The following ZRANB3 variants were observed in gnomAD, a reference collection of about 807,000 sequenced individuals.
The protein encoded by ZRANB3 is zinc finger RANBP2-type containing 3.
A neutral mutation model predicts 133.8 loss-of-function variants in ZRANB3; 125 were observed. The observed-to-expected ratio is 0.93, with a 90% CI of 0.81 to 1.08. The LOEUF is 1.08. Among genes scored for constraint, ZRANB3 ranks in the 50% least tolerant of loss-of-function variants. The pLI, the probability that ZRANB3 is intolerant of heterozygous loss-of-function variation, is 0.00. For missense variants in ZRANB3, 1,229 were observed against 1,275.5 expected, an observed-to-expected ratio of 0.96 and a Z score of 0.56; for synonymous variants, 387 against 432.7, an observed-to-expected ratio of 0.89 and a Z score of 1.31.
chr2:135,374,385 G>A (rs1476976772), intron 3 of ZRANB3, among the ~76,000 whole-genome samples: 1 of 151,960 alleles, frequency 6.6e-6, no homozygotes, highest in African/African-American at 2.4e-5. Context: ...CAGCCTGGGC[G>A]ACAGAGCAAG....
intron 8 of ZRANB3, among the ~76,000 whole-genome samples, chr2:135,293,441 A>C (rs1681869627): frequency 6.6e-6 from 1 of 152,030 alleles, no homozygotes; most frequent in African/African-American, 2.4e-5. Flanking sequence ...TTGCACATTG[A>C]TTTTGTATCC....
At chr2:135,345,740 C>A in intron 5 of ZRANB3, 105 bp from the exon 6 acceptor site, 1 of 776,012 alleles carries the variant, frequency 1.3e-6, no homozygotes, top group South Asian at 1.8e-5. Flanking sequence ...AAAAGAAAAT[C>A]CAACTGTTTA....
chr2:135,441,175 A>G (rs1559001184), intron 2 of ZRANB3, among the ~76,000 whole-genome samples: 2 of 152,214 alleles, frequency 1.3e-5, no homozygotes, highest in Admixed American at 6.5e-5. Flanking sequence ...CCACATAGAT[A>G]CATCAGGGTC....
At chr2:135,264,818 C>T (rs1008513030) in intron 12 of ZRANB3, among the ~76,000 whole-genome samples, 5 of 151,622 alleles carry the variant, frequency 3.3e-5, no homozygotes, top group African/African-American at 1.2e-4. Context: ...GCAATCTCAG[C>T]TCACGGGAAC....
chr2:135,496,436 T>A (rs1027131688), intron 2 of ZRANB3, among the ~76,000 whole-genome samples: 1 of 148,540 alleles, frequency 6.7e-6, no homozygotes, highest in African/African-American at 2.5e-5. Flanking sequence ...TTAAGATTAT[T>A]TATTAAAACA....
intron 1 of ZRANB3, among the ~76,000 whole-genome samples, chr2:135,524,023 A>C (rs953704407): frequency 6.6e-6 from 1 of 152,260 alleles, no homozygotes; most frequent in African/African-American, 2.4e-5. Context: ...CTATATTTAA[A>C]AAGTGATTAT....
intron 1 of ZRANB3, among the ~76,000 whole-genome samples, chr2:135,522,285 T>G (rs555072806): frequency 1.3e-5 from 2 of 152,300 alleles, no homozygotes; most frequent in East Asian, 1.9e-4. Context: ...CCATTTGCCC[T>G]AAGAACAAAG....
At chr2:135,481,941 T>C (rs1445457408) in intron 2 of ZRANB3, among the ~76,000 whole-genome samples, 1 of 139,748 alleles carries the variant, frequency 7.2e-6, no homozygotes. Flanking sequence ...TGCGGCGTTA[T>C]TTCTGAGGGC....
intron 2 of ZRANB3, among the ~76,000 whole-genome samples, chr2:135,444,429 G>A (rs1055143308): frequency 1.1e-4 from 17 of 151,832 alleles, no homozygotes; most frequent in African/African-American, 3.1e-4. Context: ...CAAAATACTC[G>A]GCAATAAGAA....
chr2:135,313,405 T>A (rs909616083), intron 8 of ZRANB3, 84 bp downstream of exon 8: 3 of 815,358 alleles, frequency 3.7e-6, no homozygotes, highest in Non-Finnish European at 5.7e-6. Flanking sequence ...CTGCAATATA[T>A]AAATAACTTG....
At chr2:135,282,840 T>C (rs1306646726) in intron 8 of ZRANB3, among the ~76,000 whole-genome samples, 1 of 152,176 alleles carries the variant, frequency 6.6e-6, no homozygotes, top group African/African-American at 2.4e-5. Flanking sequence ...AATCTATCAA[T>C]TTGGCAAGGA....
intron 4 of ZRANB3, 103 bp from the exon 5 acceptor site, chr2:135,350,318 T>C: frequency 1.3e-6 from 1 of 758,450 alleles, no homozygotes; most frequent in Admixed American, 3.0e-5. Flanking sequence ...GAAAGAAGAA[T>C]AGAGGAAAAA....
At chr2:135,251,922 C>T (rs558845220) in intron 12 of ZRANB3, among the ~76,000 whole-genome samples, 1 of 152,284 alleles carries the variant, frequency 6.6e-6, no homozygotes, top group African/African-American at 2.4e-5. Flanking sequence ...GTAGTCCCAG[C>T]TACTCGGGAG....
chr2:135,330,590 C>T (rs1427464536), intron 6 of ZRANB3, among the ~76,000 whole-genome samples: 2 of 152,140 alleles, frequency 1.3e-5, no homozygotes, highest in African/African-American at 4.8e-5. Flanking sequence ...GGAGGATTCC[C>T]TCTTTTTCTA....
At chr2:135,385,874 A>G (rs1261698651) in intron 3 of ZRANB3, among the ~76,000 whole-genome samples, 1 of 152,222 alleles carries the variant, frequency 6.6e-6, no homozygotes, top group Non-Finnish European at 1.5e-5. Flanking sequence ...TTTTAGACCT[A>G]AAACCATAAA....
At chr2:135,379,924 T>G (rs1686610058) in intron 3 of ZRANB3, among the ~76,000 whole-genome samples, 1 of 151,932 alleles carries the variant, frequency 6.6e-6, no homozygotes. Context: ...CCATCTGATG[T>G]GCAAAGACAC....
intron 12 of ZRANB3, among the ~76,000 whole-genome samples, chr2:135,244,595 A>G (rs1695704228): frequency 6.6e-6 from 1 of 151,704 alleles, no homozygotes; most frequent in Non-Finnish European, 1.5e-5. Context: ...GTGACAGAGC[A>G]TACTCCATCT....
At chr2:135,321,144 AT>A (rs1293836435) in intron 6 of ZRANB3, among the ~76,000 whole-genome samples, 1 of 152,168 alleles carries the variant, frequency 6.6e-6, no homozygotes, top group African/African-American at 2.4e-5. Flanking sequence ...ATATGTTTTC[AT>A]TTATCTTTAC....
intron 2 of ZRANB3, among the ~76,000 whole-genome samples, chr2:135,403,891 C>T (rs1308105995): frequency 6.6e-6 from 1 of 152,198 alleles, no homozygotes; most frequent in Admixed American, 6.5e-5. Context: ...AGCTGAGGGT[C>T]CTGACTGTTA....
Sources: allele counts gnomAD v4.1 joint callset (sites outside exome capture counted in the v4.1 genomes callset), GRCh38; gene constraint gnomAD v4.1.1; transcripts MANE v1.5; gene names NCBI Gene and HGNC (gene_info 2026-07-23, HGNC 2026-07-21).